BCKDHB: variants seen among roughly 807,000 people sequenced by gnomAD.
The protein encoded by BCKDHB is branched chain keto acid dehydrogenase E1 subunit beta, also known as 2-oxoisovalerate dehydrogenase subunit beta, mitochondrial.
Under a neutral mutation model 48.5 loss-of-function variants are expected in BCKDHB, and 41 were observed. The observed-to-expected ratio is 0.85, with a 90% CI of 0.66 to 1.10. The LOEUF (loss-of-function observed/expected upper bound fraction) is 1.10, where lower values mean the gene tolerates loss of function less well. Among genes scored for constraint, BCKDHB ranks in the 50% least tolerant of loss-of-function variants. The pLI is 0.00. For missense variants in BCKDHB, 496 were observed against 494.2 expected, an observed-to-expected ratio of 1.00 and a Z score of -0.03; for synonymous variants, 201 against 174.8, an observed-to-expected ratio of 1.15 and a Z score of -1.18.
chr6:80,183,701 G>C (rs1469032423), intron 6 of BCKDHB, among the ~76,000 whole-genome samples: 1 of 152,146 alleles, frequency 6.6e-6, no homozygotes, highest in African/African-American at 2.4e-5. Flanking sequence ...ATATCTTGCA[G>C]AGTATTTCCA....
chr6:80,174,433 A>T (rs914413446), intron 6 of BCKDHB, among the ~76,000 whole-genome samples: 2 of 152,264 alleles, frequency 1.3e-5, no homozygotes, highest in South Asian at 4.1e-4. Flanking sequence ...AATCCAGAGC[A>T]TACTCAAGTC....
chr6:80,329,218 G>A (rs1039603170), intron 9 of BCKDHB, among the ~76,000 whole-genome samples: 2 of 152,098 alleles, frequency 1.3e-5, no homozygotes, highest in African/African-American at 4.8e-5. Flanking sequence ...CTAAGTTTCT[G>A]AGAAATGGGC....
At chr6:80,157,470 T>TTC (rs1772099062) in intron 3 of BCKDHB, among the ~76,000 whole-genome samples, 1 of 146,174 alleles carries the variant, frequency 6.8e-6, no homozygotes, top group Admixed American at 6.9e-5. Flanking sequence ...TTTTTTTTTT[T>TTC]TTTTTTTTTT....
chr6:80,201,844 C>T (rs551717731), intron 7 of BCKDHB, among the ~76,000 whole-genome samples: 1 of 152,208 alleles, frequency 6.6e-6, no homozygotes, highest in African/African-American at 2.4e-5. Context: ...TAAAGGAAAT[C>T]CTTATTTTAG....
intron 9 of BCKDHB, 111 bp downstream of exon 9, chr6:80,273,332 G>GT: frequency 2.2e-6 from 2 of 914,134 alleles, no homozygotes; most frequent in Non-Finnish European, 3.5e-6. Flanking sequence ...TTATGGAAAT[G>GT]TAGTGCATGC....
At chr6:80,426,236 T>C in the BCKDHB span, among the ~76,000 whole-genome samples, 1 of 152,184 alleles carries the variant, frequency 6.6e-6, no homozygotes, top group African/African-American at 2.4e-5. Context: ...CTGCACTCTA[T>C]AGGATGTTGA....
chr6:80,128,586 A>G (rs1770462482), intron 2 of BCKDHB, among the ~76,000 whole-genome samples: 1 of 151,910 alleles, frequency 6.6e-6, no homozygotes, highest in Admixed American at 6.6e-5. Flanking sequence ...CCTATTTGTG[A>G]CTGTTCCCTT....
At chr6:80,146,798 C>T (rs1647528571) in intron 3 of BCKDHB, among the ~76,000 whole-genome samples, 1 of 152,090 alleles carries the variant, frequency 6.6e-6, no homozygotes, top group African/African-American at 2.4e-5. Context: ...TCTAGCTTCC[C>T]TCTACCACCT....
chr6:80,177,419 T>G (rs943182841), intron 6 of BCKDHB, among the ~76,000 whole-genome samples: 23 of 151,996 alleles, frequency 1.5e-4, no homozygotes, highest in African/African-American at 5.1e-4. Context: ...GGGGAATTGA[T>G]AAACTGGAAG....
At chr6:80,416,530 T>C in the BCKDHB span, among the ~76,000 whole-genome samples, 1 of 152,002 alleles carries the variant, frequency 6.6e-6, no homozygotes, top group Non-Finnish European at 1.5e-5. Flanking sequence ...TTTAATTTCA[T>C]TAATTATCCA....
chr6:80,433,118 C>T, the BCKDHB span, among the ~76,000 whole-genome samples: 3 of 152,248 alleles, frequency 2.0e-5, no homozygotes, highest in African/African-American at 7.2e-5. Context: ...GGAGATTCCT[C>T]CCAGTCAGGA....
chr6:80,124,720 C>T (rs114538761), intron 1 of BCKDHB, among the ~76,000 whole-genome samples: 2,192 of 152,158 alleles, frequency 0.014, 50 homozygotes, highest in African/African-American at 0.049. Context: ...GTGACCAAGG[C>T]GCATTGTCAA....
chr6:80,287,792 G>A (rs1220880423), intron 9 of BCKDHB, among the ~76,000 whole-genome samples: 2 of 152,150 alleles, frequency 1.3e-5, no homozygotes, highest in African/African-American at 4.8e-5. Context: ...TCTGCTGAGG[G>A]CATGTTTAGA....
intron 8 of BCKDHB, among the ~76,000 whole-genome samples, chr6:80,225,415 G>A (rs773105210): frequency 5.9e-5 from 9 of 152,174 alleles, no homozygotes; most frequent in Non-Finnish European, 1.0e-4. Flanking sequence ...TAAAAAGTAT[G>A]TTGGGAGGGT....
At chr6:80,217,928 A>G (rs545827490) in intron 8 of BCKDHB, among the ~76,000 whole-genome samples, 1 of 152,274 alleles carries the variant, frequency 6.6e-6, no homozygotes, top group South Asian at 2.1e-4. Context: ...AAATGCATCA[A>G]AGTTGGGGAG....
At chr6:80,287,404 G>A (rs1766676394) in intron 9 of BCKDHB, among the ~76,000 whole-genome samples, 1 of 144,184 alleles carries the variant, frequency 6.9e-6, no homozygotes, top group Non-Finnish European at 1.5e-5. Flanking sequence ...TCAAATTTAG[G>A]CCTCTTAATG....
the BCKDHB span, among the ~76,000 whole-genome samples, chr6:80,408,792 CT>C: frequency 4.7e-3 from 272 of 57,450 alleles, 2 homozygotes; most frequent in African/African-American, 0.014. Flanking sequence ...TTTTGTTGAT[CT>C]TTTTTTTTTC....
chr6:80,207,952 A>T (rs555595524), intron 8 of BCKDHB, among the ~76,000 whole-genome samples: 62 of 151,966 alleles, frequency 4.1e-4, no homozygotes, highest in Non-Finnish European at 7.2e-4. Context: ...AATCTTGCTT[A>T]ATCAAGCAGA....
At chr6:80,273,015 A>G (rs1777815144) in intron 8 of BCKDHB, 120 bp from the exon 9 acceptor site, 1 of 778,422 alleles carries the variant, frequency 1.3e-6, no homozygotes, top group Non-Finnish European at 2.1e-6. Context: ...CAATTGAATT[A>G]CTGATTTTTA....
Sources: gnomAD v4.1 joint callset for allele counts (sites outside exome capture counted in the v4.1 genomes callset) on GRCh38, gnomAD v4.1.1 for gene constraint, MANE v1.5 for transcripts, NCBI Gene and HGNC (gene_info 2026-07-23, HGNC 2026-07-21) for gene names.